The following CAMK2A variants were observed in gnomAD, a reference collection of about 807,000 sequenced individuals.
CAMK2A encodes the protein calcium/calmodulin-dependent protein kinase type II subunit alpha.
CAMK2A carries 7 observed loss-of-function variants against 79.2 expected under a neutral mutation model. The observed-to-expected ratio is 0.09, with a 90% CI of 0.05 to 0.17. The LOEUF is 0.17. Among genes scored for constraint, CAMK2A ranks in the 10% least tolerant of loss-of-function variants. The pLI, the probability that CAMK2A is intolerant of heterozygous loss-of-function variation, is 1.00. For synonymous variants in CAMK2A, 242 were observed against 251.7 expected (o/e 0.96, Z 0.36); for missense variants, 214 against 646.4 (o/e 0.33, Z 7.25).
chr5:150,256,287 C>A lies in CAMK2A; in HGVS notation c.411+286G>T, dbSNP rs1251119895. Among the ~76,000 whole-genome samples, 1 of 152,110 alleles carries A rather than the reference C, an allele frequency of 6.6e-6. No homozygotes were observed. Among genetic ancestry groups the A allele is most frequent in the Non-Finnish European group, 1.5e-5 (1 of 68,010 alleles). ...ATTTGGACCCAGCCTGCCTTCTTCC[C>A]CACCCACCGTAGCCAGTCATGACAG... On this transcript the variant is annotated intron_variant, in intron 6 of 18. Transcript: ENST00000671881. The surrounding 1 kb of genome is among the most constrained non-coding windows in gnomAD (Gnocchi z 4.6).
chr5:150,264,947 A>T lies in CAMK2A; in HGVS notation c.217+9T>A, dbSNP rs771871168. The T allele has an allele frequency of 6.2e-7, 1 of 1,612,766 alleles. No homozygotes were observed. Among genetic ancestry groups the T allele is most frequent in the Non-Finnish European group, 8.5e-7 (1 of 1,178,878 alleles). ...CTCCCCTGCGCCCCTCTCATCCCAC[A>T]AGGCTCACCGATGTTGGGGTGCTTC... On this transcript the variant is annotated intron_variant, in intron 3 of 18. Transcript: ENST00000671881.
intron 1 of CAMK2A, among the ~76,000 whole-genome samples, chr5:150,280,838 G>A (rs552329617): frequency 1.4e-4 from 21 of 152,162 alleles, no homozygotes; most frequent in South Asian, 4.2e-4. Context: ...TGCTGCTCCC[G>A]GCCTCTTTCT....
At chr5:150,265,135 G>A (rs1462478037) in intron 2 of CAMK2A, 120 bp from the exon 3 acceptor site, 4 of 755,002 alleles carry the variant, frequency 5.3e-6, no homozygotes, top group African/African-American at 3.5e-5. Flanking sequence ...GGCTGGGAAA[G>A]CTCACCTTCT....
chr5:150,260,339 GTCCC>G (rs1756251697), intron 3 of CAMK2A, among the ~76,000 whole-genome samples: 1 of 151,808 alleles, frequency 6.6e-6, no homozygotes, highest in Non-Finnish European at 1.5e-5. Flanking sequence ...GGCACCTGTA[GTCCC>G]AGCTACTCAG....
intron 15 of CAMK2A, among the ~76,000 whole-genome samples, chr5:150,232,358 A>G (rs775397640): frequency 1.4e-4 from 22 of 152,208 alleles, no homozygotes; most frequent in Admixed American, 2.0e-4. Context: ...GGTGCACCTC[A>G]TAAGTGCAAC....
chr5:150,231,256 CT>C, intron 16 of CAMK2A, 48 bp downstream of exon 16: 1 of 1,162,034 alleles, frequency 8.6e-7, no homozygotes, highest in Admixed American at 2.1e-5. Context: ...TTGGTACCCC[CT>C]GAACAACAAT....
intron 1 of CAMK2A, among the ~76,000 whole-genome samples, chr5:150,281,020 A>G (rs1757192476): frequency 1.3e-5 from 2 of 152,224 alleles, no homozygotes; most frequent in African/African-American, 4.8e-5. Context: ...AAAGCAGTCC[A>G]TGACTCTGCA....
At chr5:150,222,778 C>G (rs1372208870) in intron 18 of CAMK2A, 65 bp from the exon 19 acceptor site, 1 of 1,603,416 alleles carries the variant, frequency 6.2e-7, no homozygotes, top group East Asian at 2.2e-5. Flanking sequence ...CCCACCCACC[C>G]TGCCGCTTTA....
chr5:150,282,809 G>T (rs928391535), intron 1 of CAMK2A, among the ~76,000 whole-genome samples: 1 of 152,256 alleles, frequency 6.6e-6, no homozygotes, highest in South Asian at 2.1e-4. Context: ...CAGGAGGCCT[G>T]CAAGGAAGGT....
intron 1 of CAMK2A, among the ~76,000 whole-genome samples, chr5:150,281,792 C>T (rs1757227739): frequency 6.6e-6 from 1 of 152,184 alleles, no homozygotes; most frequent in South Asian, 2.1e-4. Flanking sequence ...AGTTAAAAAG[C>T]TGGGGTCAGT....
At chr5:150,232,776 A>C (rs573137991) in intron 15 of CAMK2A, among the ~76,000 whole-genome samples, 3 of 152,202 alleles carry the variant, frequency 2.0e-5, no homozygotes, top group African/African-American at 2.4e-5. Flanking sequence ...CCCACACCAC[A>C]CCACCCCACA....
chr5:150,261,400 C>A (rs1430987282), intron 3 of CAMK2A, among the ~76,000 whole-genome samples: 1 of 152,182 alleles, frequency 6.6e-6, no homozygotes, highest in Non-Finnish European at 1.5e-5. Flanking sequence ...TCAGCCAGAG[C>A]CCAAGATTCA....
Position 150,256,665 on chromosome 5 carries a change from G to T in CAMK2A, c.339-20C>A. The T allele has an allele frequency of 1.9e-6, 3 of 1,612,918 alleles. No homozygotes were observed. Among genetic ancestry groups the T allele is most frequent in the Non-Finnish European group, 2.5e-6 (3 of 1,178,948 alleles). On this transcript the variant is annotated intron_variant, in intron 5 of 18. Transcript: ENST00000671881. The surrounding 1 kb of genome is among the most constrained non-coding windows in gnomAD (Gnocchi z 4.6). ...CAGTGACTAGGGAGAGAGAGAGGAA[G>T]GGGTCATGGTGGTGTGAGCACAGGC... is the stretch of plus-strand genomic sequence containing the variant.
At chr5:150,285,506 G>T (rs1757388128) in intron 1 of CAMK2A, among the ~76,000 whole-genome samples, 1 of 152,128 alleles carries the variant, frequency 6.6e-6, no homozygotes, top group Admixed American at 6.5e-5. Flanking sequence ...TTAGAGTTTG[G>T]GTCCCATGAG....
rs1375440789 is a variant in CAMK2A at position 150,284,809 on chromosome 5, A to C, written c.62+4755T>G. Reference sequence around the variant, plus strand: ...TCTGAGTGTTGGCTCCCAGAGACCAAGGCAAGGACCATCTATGCAATGAGC... The same window carrying C: ...TCTGAGTGTTGGCTCCCAGAGACCACGGCAAGGACCATCTATGCAATGAGC... On this transcript the variant is annotated intron_variant, in intron 1 of 18. Transcript: ENST00000671881. The surrounding 1 kb of genome is among the most constrained non-coding windows in gnomAD (Gnocchi z 5.3). 6.6e-6 allele frequency among the ~76,000 whole-genome samples: 1 copy of C among 152,114 alleles called. No homozygotes were observed. The highest frequency in any genetic ancestry group is 1.5e-5 in the Non-Finnish European group (1 of 68,012).
chr5:150,287,937 CTGTGTGTGTGTGTGTG>C (rs57886187), intron 1 of CAMK2A, among the ~76,000 whole-genome samples: 14 of 140,776 alleles, frequency 9.9e-5, no homozygotes, highest in Non-Finnish European at 1.4e-4. Context: ...AGGATAGCCT[CTGTGTGTGTGTGTGTG>C]TGTGTGTGTG....
At chr5:150,225,567 G>A (rs373755505) in intron 17 of CAMK2A, among the ~76,000 whole-genome samples, 1 of 152,156 alleles carries the variant, frequency 6.6e-6, no homozygotes, top group East Asian at 1.9e-4. Flanking sequence ...AGCCTTTACA[G>A]TTGGGCCTTA....
At chr5:150,262,316 C>T (rs1240256101) in intron 3 of CAMK2A, among the ~76,000 whole-genome samples, 2 of 152,206 alleles carry the variant, frequency 1.3e-5, no homozygotes, top group African/African-American at 2.4e-5. Flanking sequence ...TAGGCACAAG[C>T]TCACCTTTCG....
intron 2 of CAMK2A, among the ~76,000 whole-genome samples, chr5:150,266,514 T>G (rs893435053): frequency 5.3e-5 from 8 of 152,208 alleles, no homozygotes; most frequent in African/African-American, 1.9e-4. Context: ...GAGGGCTTTA[T>G]ATGCCTTTCA....
Sources: allele counts gnomAD v4.1 joint callset (sites outside exome capture counted in the v4.1 genomes callset), GRCh38; gene constraint gnomAD v4.1.1; non-coding constraint Gnocchi (gnomAD v3.1); transcripts MANE v1.5; gene names NCBI Gene and HGNC (gene_info 2026-07-23, HGNC 2026-07-21).